Variants in SHQ1 observed in about 807,000 individuals in gnomAD.
SHQ1 encodes protein SHQ1 homolog.
Under a neutral mutation model 53.8 loss-of-function variants are expected in SHQ1, and 49 were observed. The ratio of observed to expected loss-of-function variants is 0.91; its 90% CI spans 0.72 to 1.16. The LOEUF (loss-of-function observed/expected upper bound fraction) is 1.16. SHQ1 is among the 50% of genes most tolerant of loss of function. The pLI is 0.00. For synonymous variants in SHQ1, 243 were observed against 251.0 expected (o/e 0.97, Z 0.30); for missense variants, 738 against 683.1 (o/e 1.08, Z -0.90).
chr3:72,820,506 A>G (rs530790732), intron 6 of SHQ1, among the ~76,000 whole-genome samples: 52 of 152,340 alleles, frequency 3.4e-4, no homozygotes, highest in Middle Eastern at 3.4e-3. Flanking sequence ...AGAGAAACCA[A>G]AAGTCTGAGC....
At chr3:72,813,222 C>G (rs1232806403) in intron 8 of SHQ1, among the ~76,000 whole-genome samples, 2 of 150,764 alleles carry the variant, frequency 1.3e-5, no homozygotes, top group South Asian at 4.2e-4. Flanking sequence ...CTGTAAAGCA[C>G]TTTGGGACTC....
intron 10 of SHQ1, chr3:72,773,297 A>T (rs1705893097): frequency 1.6e-6 from 1 of 629,274 alleles, no homozygotes; most frequent in South Asian, 1.4e-5. Flanking sequence ...GATAAAGAAA[A>T]ATTGGAATCT....
chr3:72,758,008 G>T (rs1705533573), intron 10 of SHQ1, among the ~76,000 whole-genome samples: 2 of 152,118 alleles, frequency 1.3e-5, no homozygotes, highest in African/African-American at 2.4e-5. Flanking sequence ...TTATGATAAT[G>T]ACATATCATA....
At chr3:72,833,737 G>A (rs1248487467) in intron 4 of SHQ1, among the ~76,000 whole-genome samples, 9 of 152,194 alleles carry the variant, frequency 5.9e-5, no homozygotes, top group Admixed American at 5.9e-4. Context: ...ATGGACATTA[G>A]GAAAACTGCC....
At chr3:72,828,664 C>T (rs1184278707) in intron 5 of SHQ1, among the ~76,000 whole-genome samples, 1 of 151,976 alleles carries the variant, frequency 6.6e-6, no homozygotes, top group Non-Finnish European at 1.5e-5. Flanking sequence ...CACTGCACTC[C>T]AGCCTGGGCG....
intron 9 of SHQ1, among the ~76,000 whole-genome samples, chr3:72,809,115 T>C (rs1259408632): frequency 1.3e-5 from 2 of 152,124 alleles, no homozygotes; most frequent in Non-Finnish European, 2.9e-5. Flanking sequence ...CAAAGATTGG[T>C]GTCTGGCTTC....
the SHQ1 span, among the ~76,000 whole-genome samples, chr3:72,726,285 G>A: frequency 6.6e-6 from 1 of 152,190 alleles, no homozygotes; most frequent in African/African-American, 2.4e-5. Context: ...CCAGGCAAGT[G>A]GGAAAAGCAC....
chr3:72,758,672 C>T (rs1247927349), intron 10 of SHQ1, among the ~76,000 whole-genome samples: 1 of 150,398 alleles, frequency 6.6e-6, no homozygotes, highest in Non-Finnish European at 1.5e-5. Flanking sequence ...TGGGTTCAAG[C>T]AGTTCTCCTG....
At chr3:72,796,947 A>G (rs2106809734) in intron 9 of SHQ1, among the ~76,000 whole-genome samples, 1 of 150,962 alleles carries the variant, frequency 6.6e-6, no homozygotes, top group Admixed American at 6.6e-5. Context: ...AAAAAAAAAA[A>G]AAGACTAATA....
the SHQ1 span, among the ~76,000 whole-genome samples, chr3:72,733,454 T>C: frequency 6.6e-6 from 1 of 151,514 alleles, no homozygotes; most frequent in East Asian, 1.9e-4. Context: ...CAAATTCTCA[T>C]GAGGTTTACA....
chr3:72,761,282 C>T (rs1346461808), intron 10 of SHQ1, among the ~76,000 whole-genome samples: 5 of 152,186 alleles, frequency 3.3e-5, no homozygotes, highest in African/African-American at 1.2e-4. Context: ...AGCAATCCTC[C>T]CACTTCAGCC....
chr3:72,827,370 C>T (rs918766855), intron 5 of SHQ1, among the ~76,000 whole-genome samples: 9 of 152,022 alleles, frequency 5.9e-5, no homozygotes, highest in African/African-American at 2.2e-4. Flanking sequence ...CCAGGAAGAA[C>T]TGGCACAGTG....
At chr3:72,805,731 T>C (rs1229752449) in intron 9 of SHQ1, among the ~76,000 whole-genome samples, 1 of 152,198 alleles carries the variant, frequency 6.6e-6, no homozygotes, top group Non-Finnish European at 1.5e-5. Context: ...CATTTCTATA[T>C]AACTCCAGTT....
intron 9 of SHQ1, among the ~76,000 whole-genome samples, chr3:72,796,244 A>AG (rs1236849188): frequency 6.6e-6 from 1 of 152,154 alleles, no homozygotes; most frequent in Non-Finnish European, 1.5e-5. Flanking sequence ...ACTAACAAGG[A>AG]GGAAGAGAAG....
intron 4 of SHQ1, among the ~76,000 whole-genome samples, chr3:72,839,896 G>A (rs1176116691): frequency 6.6e-6 from 1 of 151,878 alleles, no homozygotes; most frequent in Non-Finnish European, 1.5e-5. Context: ...GAGTAGCTGG[G>A]ACTACAGGTG....
intron 10 of SHQ1, among the ~76,000 whole-genome samples, chr3:72,792,333 T>C (rs1706463949): frequency 1.3e-5 from 2 of 152,240 alleles, no homozygotes; most frequent in Non-Finnish European, 2.9e-5. Flanking sequence ...ACAACTGTTT[T>C]AATACCTGTT....
At chr3:72,726,750 A>G in the SHQ1 span, among the ~76,000 whole-genome samples, 1 of 152,180 alleles carries the variant, frequency 6.6e-6, no homozygotes, top group African/African-American at 2.4e-5. Flanking sequence ...GATTGCAGTG[A>G]GACACCTCGG....
intron 9 of SHQ1, chr3:72,793,988 C>T (rs759138096): frequency 6.6e-6 from 1 of 152,162 alleles, no homozygotes; most frequent in Non-Finnish European, 1.5e-5. Context: ...CCTTTTACAA[C>T]TCAGCAATTC....
chr3:72,811,857 A>G (rs955181434), intron 9 of SHQ1, among the ~76,000 whole-genome samples: 3 of 152,278 alleles, frequency 2.0e-5, no homozygotes, highest in African/African-American at 7.2e-5. Context: ...TCCCAGAAAC[A>G]CTTTTATCTA....
Sources: gnomAD v4.1 joint callset for allele counts (sites outside exome capture counted in the v4.1 genomes callset) on GRCh38, gnomAD v4.1.1 for gene constraint, MANE v1.5 for transcripts, NCBI Gene and HGNC (gene_info 2026-07-23, HGNC 2026-07-21) for gene names.